LRRC7: variants seen among roughly 807,000 people sequenced by gnomAD.
LRRC7 encodes leucine-rich repeat-containing protein 7.
A neutral mutation model predicts 175.7 loss-of-function variants in LRRC7; 23 were observed. That is an observed-to-expected ratio of 0.13 (90% CI 0.09 to 0.19). LRRC7 has a LOEUF of 0.19. Among genes scored for constraint, LRRC7 ranks in the 10% least tolerant of loss-of-function variants. The pLI, the probability that LRRC7 is intolerant of heterozygous loss-of-function variation, is 1.00. For missense variants in LRRC7, 1,354 were observed against 1,904.7 expected (o/e 0.71, Z 5.38); for synonymous variants, 685 against 680.9 (o/e 1.01, Z -0.09).
intron 7 of LRRC7, among the ~76,000 whole-genome samples, chr1:69,884,562 C>A (rs1686972257): frequency 7.2e-6 from 1 of 138,662 alleles, no homozygotes; most frequent in African/African-American, 3.0e-5. Context: ...CGTCTGCAAA[C>A]AGGGACAATT....
chr1:70,072,777 A>C (rs1662487108), intron 23 of LRRC7, among the ~76,000 whole-genome samples: 2 of 152,236 alleles, frequency 1.3e-5, no homozygotes, highest in Admixed American at 1.3e-4. Context: ...CATGCACAGC[A>C]TCTAAAACAG....
intron 2 of LRRC7, among the ~76,000 whole-genome samples, chr1:69,694,145 T>C (rs1038408097): frequency 1.3e-5 from 2 of 152,300 alleles, no homozygotes; most frequent in African/African-American, 2.4e-5. Context: ...TTCCAAGGCC[T>C]CTTGTAACTT....
intron 3 of LRRC7, among the ~76,000 whole-genome samples, chr1:69,767,523 C>A (rs1442036193): frequency 6.6e-6 from 1 of 152,134 alleles, no homozygotes. Flanking sequence ...GTGGCACAGT[C>A]ATAGCTTACT....
rs982440718 is a variant in LRRC7 at position 70,143,448 on chromosome 1, G to A, written c.*21561G>A. 6.6e-6 allele frequency: 1 copy of A among 151,988 alleles called. No homozygotes were observed. The highest frequency in any genetic ancestry group is 1.5e-5 in the Non-Finnish European group (1 of 67,972). 9.4% of individuals were successfully genotyped at this position (151,988 alleles called of 1,614,324 possible). A position where few individuals can be genotyped will look rare whatever the true frequency, so the allele number is the denominator to read the frequency against. On this transcript the variant is annotated 3_prime_UTR_variant, in exon 27 of 27. Coordinates refer to ENST00000651989, the MANE Select transcript of LRRC7 (RefSeq NM_001370785.2). ...CTTTTAATGTGCAATAGTAAACATT[G>A]ACATTTTACATAGACATATTGTATA...
chr1:70,084,840 G>A (rs1340698778), intron 24 of LRRC7, among the ~76,000 whole-genome samples: 2 of 152,052 alleles, frequency 1.3e-5, no homozygotes, highest in Non-Finnish European at 2.9e-5. Context: ...TTGTACTGTA[G>A]TCATCCTGTT....
In LRRC7 at chr1:70,127,911, A is replaced by C. The variant is rs1333353300; in HGVS notation, c.*6024A>C. Among the ~76,000 whole-genome samples, 2 of 151,438 alleles carry C rather than the reference A, an allele frequency of 1.3e-5. No individual in the cohort carries two copies. The highest frequency in any genetic ancestry group is 2.9e-5 in the Non-Finnish European group (2 of 67,836). On this transcript the variant is annotated 3_prime_UTR_variant, in exon 27 of 27. Transcript: ENST00000651989. The stretch of plus-strand genomic sequence containing the variant: ...AGGTGAGATTTTGAAACCTGGCATA[A>C]TTTTCTCTTCTCCTTTTTTGAAAAA...
intron 24 of LRRC7, 89 bp from the exon 25 acceptor site, chr1:70,089,638 A>G: frequency 3.4e-6 from 3 of 869,856 alleles, no homozygotes; most frequent in Non-Finnish European, 5.4e-6. Flanking sequence ...ACCAAGTGAA[A>G]TGTGAATCTT....
chr1:69,918,839 G>A (rs1646796125), intron 7 of LRRC7, among the ~76,000 whole-genome samples: 1 of 152,008 alleles, frequency 6.6e-6, no homozygotes, highest in Admixed American at 6.6e-5. Context: ...AAATAAATAA[G>A]CTTCAGGAAA....
At chr1:69,644,431 T>C (rs1248560335) in intron 1 of LRRC7, among the ~76,000 whole-genome samples, 2 of 152,066 alleles carry the variant, frequency 1.3e-5, no homozygotes, top group Non-Finnish European at 2.9e-5. Context: ...TTAAAGTCTT[T>C]GTCTTATATT....
chr1:69,905,737 T>G (rs1232701480), intron 7 of LRRC7, among the ~76,000 whole-genome samples: 1 of 152,246 alleles, frequency 6.6e-6, no homozygotes, highest in East Asian at 1.9e-4. Flanking sequence ...TGTGTCTTTA[T>G]AGCAGCATGG....
At chr1:69,974,245 A>G (rs530417471) in intron 8 of LRRC7, among the ~76,000 whole-genome samples, 1 of 151,990 alleles carries the variant, frequency 6.6e-6, no homozygotes, top group Non-Finnish European at 1.5e-5. Context: ...CTTTTTCATC[A>G]TTTACCTTAT....
chr1:69,807,786 C>G (rs1216070818), intron 4 of LRRC7, among the ~76,000 whole-genome samples: 1 of 151,922 alleles, frequency 6.6e-6, no homozygotes, highest in African/African-American at 2.4e-5. Context: ...TGGGGTTGCT[C>G]TTCTCGAGGA....
At chr1:70,032,368 C>T (rs1658839851) in intron 18 of LRRC7, among the ~76,000 whole-genome samples, 1 of 151,738 alleles carries the variant, frequency 6.6e-6, no homozygotes, top group South Asian at 2.1e-4. Context: ...GTCTCTAAAA[C>T]CTTTCTGATC....
intron 26 of LRRC7, among the ~76,000 whole-genome samples, chr1:70,114,344 G>A (rs976189623): frequency 6.6e-6 from 1 of 152,064 alleles, no homozygotes; most frequent in Non-Finnish European, 1.5e-5. Context: ...AATACAATTG[G>A]ATTAGAAGGG....
At position 70,003,663 on chromosome 1, in the gene LRRC7, T is replaced by A. The variant is rs566356862; in HGVS notation, c.1005-8134T>A. Among the ~76,000 whole-genome samples the A allele has an allele frequency of 3.9e-5, 6 of 152,244 alleles. No homozygotes were observed. In the East Asian group the frequency reaches 9.7e-4, roughly 25 times the overall value. ...ACCACTAATGATATCCATTTAAGAG[T>A]CATCCTCCTTCACTGCCTACTTCCT... On this transcript the variant is annotated intron_variant, in intron 11 of 26. Coordinates refer to ENST00000651989, the MANE Select transcript of LRRC7 (RefSeq NM_001370785.2).
chr1:69,778,043 G>T (rs938432387), intron 3 of LRRC7, among the ~76,000 whole-genome samples: 5 of 152,046 alleles, frequency 3.3e-5, no homozygotes, highest in Non-Finnish European at 7.4e-5. Context: ...TCCTTCTTCT[G>T]CTCTCTTAGG....
At chr1:69,898,661 C>CGCTGCTGCTGCTGCT (rs1557864684) in intron 7 of LRRC7, among the ~76,000 whole-genome samples, 3 of 124,928 alleles carry the variant, frequency 2.4e-5, no homozygotes, top group African/African-American at 8.5e-5. Context: ...TTGCTATCAT[C>CGCTGCTGCTGCTGCT]ACTGCTGCTG....
At chr1:69,777,405 G>T (rs1214759708) in intron 3 of LRRC7, among the ~76,000 whole-genome samples, 2 of 152,176 alleles carry the variant, frequency 1.3e-5, no homozygotes, top group African/African-American at 4.8e-5. Context: ...CTTCAGGGGA[G>T]CAAAGGGGAA....
chr1:69,961,130 A>G (rs1051373428), intron 8 of LRRC7, among the ~76,000 whole-genome samples: 28 of 152,214 alleles, frequency 1.8e-4, no homozygotes, highest in African/African-American at 6.3e-4. Context: ...CAACTTCAGC[A>G]AAGTCTCAGG....
Sources: allele counts gnomAD v4.1 joint callset (sites outside exome capture counted in the v4.1 genomes callset), GRCh38; gene constraint gnomAD v4.1.1; transcripts MANE v1.5; gene names NCBI Gene and HGNC (gene_info 2026-07-23, HGNC 2026-07-21).